ERG: variants seen among roughly 807,000 people sequenced by gnomAD.
The protein encoded by ERG is ETS transcription factor ERG.
Under a neutral mutation model 55.3 loss-of-function variants are expected in ERG, and 9 were observed. That is an observed-to-expected ratio of 0.16 (90% CI 0.10 to 0.28). The LOEUF is 0.28. Among genes scored for constraint, ERG ranks in the 10% least tolerant of loss-of-function variants. The pLI is 1.00. For synonymous variants in ERG, 223 were observed against 237.3 expected, an observed-to-expected ratio of 0.94 and a Z score of 0.55; for missense variants, 434 against 631.6, an observed-to-expected ratio of 0.69 and a Z score of 3.35.
chr21:38,417,746 G>A (rs1022787342), intron 3 of ERG, among the ~76,000 whole-genome samples: 4 of 151,988 alleles, frequency 2.6e-5, no homozygotes, highest in African/African-American at 7.3e-5. Context: ...CCGTGACCGC[G>A]CCATTGCACT....
the ERG span, among the ~76,000 whole-genome samples, chr21:38,371,137 G>T: frequency 6.6e-6 from 1 of 151,960 alleles, no homozygotes; most frequent in Non-Finnish European, 1.5e-5. Flanking sequence ...TATCTTTATA[G>T]AATTATTCTT....
At chr21:38,423,319 C>A in intron 3 of ERG, 91 bp downstream of exon 3, 1 of 1,370,858 alleles carries the variant, frequency 7.3e-7, no homozygotes, top group Non-Finnish European at 1.0e-6. Flanking sequence ...GTGATCAATG[C>A]CACAGGTGGG....
At chr21:38,491,102 A>G (rs542027499) in intron 1 of ERG, among the ~76,000 whole-genome samples, 1 of 152,034 alleles carries the variant, frequency 6.6e-6, no homozygotes, top group Non-Finnish European at 1.5e-5. Context: ...TGGGACATCT[A>G]CCTCAAATTG....
At chr21:38,401,368 C>T (rs1001494546) in intron 5 of ERG, among the ~76,000 whole-genome samples, 1 of 152,166 alleles carries the variant, frequency 6.6e-6, no homozygotes, top group Non-Finnish European at 1.5e-5. Context: ...GTAACTTCCT[C>T]TAAGTTATCT....
chr21:38,411,409 C>A (rs1453004895), intron 3 of ERG, among the ~76,000 whole-genome samples: 1 of 152,104 alleles, frequency 6.6e-6, no homozygotes, highest in Non-Finnish European at 1.5e-5. Flanking sequence ...CCTCTGCCTC[C>A]CAGGTTCAAC....
intron 1 of ERG, among the ~76,000 whole-genome samples, chr21:38,599,638 A>C (rs1156348564): frequency 1.3e-5 from 2 of 152,208 alleles, no homozygotes; most frequent in Non-Finnish European, 2.9e-5. Context: ...TTCCGATGCT[A>C]ACACCAGCTC....
chr21:38,411,927 T>G (rs1325486169), intron 3 of ERG, among the ~76,000 whole-genome samples: 1 of 152,218 alleles, frequency 6.6e-6, no homozygotes, highest in Non-Finnish European at 1.5e-5. Flanking sequence ...AATTTAGCCT[T>G]TTTTCACTAT....
At chr21:38,414,070 T>A (rs1989175504) in intron 3 of ERG, among the ~76,000 whole-genome samples, 1 of 152,228 alleles carries the variant, frequency 6.6e-6, no homozygotes, top group South Asian at 2.1e-4. Flanking sequence ...AATCAAGGTA[T>A]CAGCAAGGCC....
At chr21:38,641,674 A>C (rs556293251) in intron 1 of ERG, among the ~76,000 whole-genome samples, 1 of 152,348 alleles carries the variant, frequency 6.6e-6, no homozygotes, top group East Asian at 1.9e-4. Context: ...TGCACATGCA[A>C]ATTTTTTCAT....
chr21:38,595,902 G>A (rs1810906672), intron 1 of ERG, among the ~76,000 whole-genome samples: 1 of 152,084 alleles, frequency 6.6e-6, no homozygotes, highest in African/African-American at 2.4e-5. Flanking sequence ...CATTCATGAG[G>A]TGCATTATGA....
chr21:38,455,030 G>T (rs1218148040), intron 1 of ERG, among the ~76,000 whole-genome samples: 2 of 151,956 alleles, frequency 1.3e-5, no homozygotes, highest in Admixed American at 6.6e-5. Flanking sequence ...CGTGCTGTTG[G>T]TATTCTCTAC....
At position 38,513,129 on chromosome 21, in the gene ERG, CA is replaced by C. The variant is rs113718302; in HGVS notation, c.-41+62532del. Among the ~76,000 whole-genome samples, 11 of 137,072 alleles carry C rather than the reference CA, an allele frequency of 8.0e-5. No individual in the cohort carries two copies. The East Asian group carries it at 8.4e-4, about 10-fold the overall frequency. 89.9% of individuals were successfully genotyped at this position (137,072 alleles called of 152,430 possible). On this transcript the variant is annotated intron_variant, in intron 2 of 8. Transcript: ENST00000398897. The stretch of plus-strand genomic sequence containing the variant: ...CTGACAACAGAGTAAGACTCCGTCT[CA>C]AAAAAAAAAATAATAATAATAGGCT...
chr21:38,519,842 G>GA (rs2059580534), intron 2 of ERG, among the ~76,000 whole-genome samples: 1 of 152,108 alleles, frequency 6.6e-6, no homozygotes, highest in South Asian at 2.1e-4. Flanking sequence ...GATTAGGACT[G>GA]AGACCCTAAC....
At chr21:38,442,322 G>A (rs186813855) in intron 2 of ERG, among the ~76,000 whole-genome samples, 3 of 152,156 alleles carry the variant, frequency 2.0e-5, no homozygotes, top group South Asian at 2.1e-4. Flanking sequence ...TGAACCCCGG[G>A]GGGTGGAGGT....
chr21:38,415,168 C>G (rs922047219), intron 3 of ERG, among the ~76,000 whole-genome samples: 3 of 152,196 alleles, frequency 2.0e-5, no homozygotes, highest in Admixed American at 6.5e-5. Flanking sequence ...GGTTCGAATC[C>G]TGGCTCTTCA....
chr21:38,488,801 A>AT (rs2059310309), intron 1 of ERG, among the ~76,000 whole-genome samples: 1 of 152,280 alleles, frequency 6.6e-6, no homozygotes, highest in Non-Finnish European at 1.5e-5. Flanking sequence ...CAAAGGAGAC[A>AT]GAGGTGCCTA....
At chr21:38,371,308 T>G in the ERG span, among the ~76,000 whole-genome samples, 1 of 152,094 alleles carries the variant, frequency 6.6e-6, no homozygotes, top group Non-Finnish European at 1.5e-5. Context: ...AATTAGAATT[T>G]TATACATGCA....
rs1285170357 is a variant in ERG at position 38,429,392 on chromosome 21, CATATACACATGTACAT to C, written c.237-5847_237-5832del. Among the ~76,000 whole-genome samples, 2 of 30,996 alleles carry C rather than the reference CATATACACATGTACAT, an allele frequency of 6.5e-5. 1 individual carries two copies. Among genetic ancestry groups the C allele is most frequent in the Non-Finnish European group, 2.6e-4 (2 of 7,812 alleles). 20.3% of individuals were successfully genotyped at this position (30,996 alleles called of 152,430 possible). ...GTACACATATACATATATATGTACA[CATATACACATGTACAT>C]ACGCACATATAAACATGTGTGTATA... is the stretch of plus-strand genomic sequence containing the variant. On this transcript the variant is annotated intron_variant, in intron 2 of 9. Transcript: ENST00000288319.
At chr21:38,388,072 C>T (rs1479742769) in intron 9 of ERG, among the ~76,000 whole-genome samples, 1 of 152,248 alleles carries the variant, frequency 6.6e-6, no homozygotes, top group Non-Finnish European at 1.5e-5. Context: ...ACACTGCCAC[C>T]TCCTAACAAA....
Sources: allele counts gnomAD v4.1 joint callset (sites outside exome capture counted in the v4.1 genomes callset), GRCh38; gene constraint gnomAD v4.1.1; transcripts MANE v1.5; gene names NCBI Gene and HGNC (gene_info 2026-07-23, HGNC 2026-07-21).